CASZ1: variants seen among roughly 807,000 people sequenced by gnomAD.
CASZ1 encodes zinc finger protein castor homolog 1.
A neutral mutation model predicts 135.2 loss-of-function variants in CASZ1; 28 were observed. The observed-to-expected ratio is 0.21, with a 90% confidence interval of 0.15 to 0.28. CASZ1 has a LOEUF of 0.28. CASZ1 is among the 10% of genes least tolerant of loss of function. The pLI is 1.00. For synonymous variants in CASZ1, 1,068 were observed against 1,073.4 expected (o/e 0.99, Z 0.10); for missense variants, 2,161 against 2,453.3 (o/e 0.88, Z 2.52).
intron 2 of CASZ1, among the ~76,000 whole-genome samples, chr1:10,748,533 G>A (rs1640090808): frequency 6.6e-6 from 1 of 152,190 alleles, no homozygotes; most frequent in Admixed American, 6.5e-5. Context: ...AGCTTGCAGA[G>A]TGACGGCCAT....
chr1:10,744,360 C>T (rs1298169279), intron 2 of CASZ1, among the ~76,000 whole-genome samples: 2 of 151,248 alleles, frequency 1.3e-5, no homozygotes, highest in Non-Finnish European at 2.9e-5. Context: ...CACGAGCAGG[C>T]ATGTCCTGGG....
chr1:10,736,407 G>A (rs1261009356), intron 2 of CASZ1, among the ~76,000 whole-genome samples: 1 of 152,204 alleles, frequency 6.6e-6, no homozygotes, highest in Admixed American at 6.5e-5. Flanking sequence ...CGAACCCGGG[G>A]AGTCCTCAGG....
At chr1:10,743,865 GGA>G (rs987639632) in intron 2 of CASZ1, among the ~76,000 whole-genome samples, 11 of 146,748 alleles carry the variant, frequency 7.5e-5, no homozygotes, top group East Asian at 2.1e-4. Flanking sequence ...AGGGAGGGAG[GGA>G]GAGAGAGAGA....
chr1:10,720,578 CTG>C lies in CASZ1; in HGVS notation c.-76-15036_-76-15035del, dbSNP rs1639479160. Among the ~76,000 whole-genome samples the C allele has an allele frequency of 6.6e-6, 1 of 152,222 alleles. No homozygotes were observed. Among genetic ancestry groups the C allele is most frequent in the Non-Finnish European group, 1.5e-5 (1 of 68,030 alleles). ...GGCAGTCCCATTTGCCTATCAAAAA[CTG>C]TACATTCGCTCGGCTTTCCACGGGA... On this transcript the variant is annotated intron_variant, in intron 2 of 20. Transcript: ENST00000377022. The surrounding 1 kb of genome is among the most constrained non-coding windows in gnomAD (Gnocchi z 5.7).
rs932572142 is a variant in CASZ1, at chr1:10,666,931, C to T, written c.17-1360G>A. Among the ~76,000 whole-genome samples the T allele has an allele frequency of 3.3e-5, 5 of 152,224 alleles. No homozygotes were observed. Among genetic ancestry groups the T allele is most frequent in the Admixed American group, 6.5e-5 (1 of 15,286 alleles). The stretch of plus-strand genomic sequence containing the variant: ...CGCAGTGGCCACAGCAGCAGGGGCT[C>T]GGCTCACACTCACTGTGTACAAAAC... On this transcript the variant is annotated intron_variant, in intron 4 of 20. Coordinates refer to ENST00000377022, the MANE Select transcript of CASZ1 (RefSeq NM_001079843.3). The surrounding 1 kb of genome is among the most constrained non-coding windows in gnomAD (Gnocchi z 5.2).
chr1:10,649,625 T>A, intron 13 of CASZ1, 188 bp from the exon 14 acceptor site: 1 of 640,052 alleles, frequency 1.6e-6, no homozygotes, highest in Non-Finnish European at 2.6e-6. Flanking sequence ...CCTGCTGTGC[T>A]GCCCCGACCC....
At position 10,639,484 on chromosome 1, in the gene CASZ1, G is replaced by A. The variant is rs756224187; in HGVS notation, c.4738C>T (p.His1580Tyr). ...HFHCTFPGCR[H>Y]TVVGMSQMDS... ...ATCTGCGACATGCCCACCACCGTGT[G>A]GCGGCAGCCCGGGAAGGTGCAGTGG... The change falls in exon 21 of 21, where the codon CAC (histidine) becomes TAC (tyrosine). Residue 1580 changes from histidine (H) to tyrosine (Y), a missense_variant. This residue lies in a region of CASZ1 where 240 missense variants were observed against 321.4 expected (regional missense o/e 0.75). Coordinates refer to ENST00000377022, the MANE Select transcript of CASZ1 (RefSeq NM_001079843.3). This position sits in a 1 kb window ranked among gnomAD's most constrained non-coding sequence, Gnocchi z 4.0. 3.7e-6 allele frequency: 6 copies of A among 1,610,474 alleles called. No individual in the cohort carries two copies. Among genetic ancestry groups the A allele is most frequent in the Non-Finnish European group, 5.1e-6 (6 of 1,179,118 alleles).
chr1:10,677,143 A>G (rs1027583579), intron 4 of CASZ1, among the ~76,000 whole-genome samples: 3 of 152,188 alleles, frequency 2.0e-5, no homozygotes, highest in African/African-American at 7.2e-5. Context: ...CGAGACAGAG[A>G]GAGCTCAGGA....
In CASZ1 at chr1:10,665,546, C is replaced by T. The variant is rs201197152; in HGVS notation, c.42G>A (p.Pro14=). The change falls in exon 5 of 21, where the codon CCG becomes CCA. Residue 14 remains proline, a synonymous_variant. Coordinates refer to ENST00000377022, the MANE Select transcript of CASZ1 (RefSeq NM_001079843.3). ...GTAEGTRCTD[P]PAGKPAMAPK... ...GCGCCATGGCGGGCTTGCCTGCAGG[C>T]GGGTCCGTGCACCGGGTGCCCTCAG... is the stretch of plus-strand genomic sequence containing the variant. 59 of 1,574,538 alleles carry T rather than the reference C, an allele frequency of 3.7e-5. No homozygotes were observed. The East Asian group carries it at 8.0e-4, about 21-fold the overall frequency.
Position 10,648,116 on chromosome 1 carries a change from C to T in CASZ1, c.3182G>A (p.Gly1061Glu). 1 of 1,539,092 alleles carries T rather than the reference C, an allele frequency of 6.5e-7. No homozygotes were observed. Among genetic ancestry groups the T allele is most frequent in the Non-Finnish European group, 8.7e-7 (1 of 1,143,954 alleles). The change falls in exon 16 of 21, where the codon GGA becomes GAA. Residue 1061 changes from glycine (G) to glutamate (E), a missense_variant. This residue lies in a region of CASZ1 where 349 missense variants were observed against 460.8 expected (regional missense o/e 0.76). Coordinates refer to ENST00000377022, the MANE Select transcript of CASZ1 (RefSeq NM_001079843.3). ...HANFHFRTEG[G>E]AAKGNTEAAF... ...AGCCTCTGTGTTTCCTTTTGCTGCT[C>T]CTCCCTCTGTCCGGAAGTGGAAGCT...
intron 2 of CASZ1, among the ~76,000 whole-genome samples, chr1:10,742,624 C>T (rs1639945283): frequency 6.6e-6 from 1 of 152,166 alleles, no homozygotes; most frequent in Non-Finnish European, 1.5e-5. Context: ...ATCCTCCAGT[C>T]AGGGTCAAGC....
Position 10,717,075 on chromosome 1 carries a change from G to C in CASZ1, c.-76-11531C>G, listed in dbSNP as rs912074600. Among the ~76,000 whole-genome samples the C allele has an allele frequency of 2.0e-5, 3 of 152,244 alleles. No individual in the cohort carries two copies. The highest frequency in any genetic ancestry group is 7.2e-5 in the African/African-American group (3 of 41,464). The stretch of plus-strand genomic sequence containing the variant: ...GAGACTCAGATGGGCTGGGCTGCTG[G>C]AGGGACAGGAGCAGGAGGGACAGAC... On this transcript the variant is annotated intron_variant, in intron 2 of 20. Transcript: ENST00000377022. This position sits in a 1 kb window ranked among gnomAD's most constrained non-coding sequence, Gnocchi z 4.6.
intron 1 of CASZ1, among the ~76,000 whole-genome samples, chr1:10,769,257 A>G (rs1246667542): frequency 6.6e-6 from 1 of 152,170 alleles, no homozygotes; most frequent in African/African-American, 2.4e-5. Flanking sequence ...CGGCGAGAAC[A>G]CTCCAGTGGC....
chr1:10,778,817 G>A lies in CASZ1; in HGVS notation c.-234+17747C>T, dbSNP rs540449024. ...CCCCAGTGGAAGTGCAAGCAAAGGC[G>A]GTTGGCAGTTGGGCGTGACTGCCCA... is the stretch of plus-strand genomic sequence containing the variant. On this transcript the variant is annotated intron_variant, in intron 1 of 20. Coordinates refer to ENST00000377022, the MANE Select transcript of CASZ1 (RefSeq NM_001079843.3). Among the ~76,000 whole-genome samples the A allele has an allele frequency of 1.8e-4, 28 of 152,228 alleles. No homozygotes were observed. In the South Asian group the frequency reaches 4.6e-3, roughly 25 times the overall value.
At chr1:10,672,024 C>A (rs915721561) in intron 4 of CASZ1, among the ~76,000 whole-genome samples, 2 of 152,192 alleles carry the variant, frequency 1.3e-5, no homozygotes, top group Non-Finnish European at 1.5e-5. Flanking sequence ...GGCATCTGCT[C>A]TAGGTCCCAG....
rs573176822 is a variant in CASZ1, at chr1:10,719,684, C to A, written c.-76-14140G>T. Among the ~76,000 whole-genome samples the A allele has an allele frequency of 6.6e-6, 1 of 152,318 alleles. No individual in the cohort carries two copies. The highest frequency in any genetic ancestry group is 6.5e-5 in the Admixed American group (1 of 15,310). ...GCCATGCCCTCAGGTACTGCCCAAT[C>A]CTGAAGCCCGTGGGTCCCAGAGCCT... is the stretch of plus-strand genomic sequence containing the variant. On this transcript the variant is annotated intron_variant, in intron 2 of 20. Coordinates refer to ENST00000377022, the MANE Select transcript of CASZ1 (RefSeq NM_001079843.3). This position sits in a 1 kb window ranked among gnomAD's most constrained non-coding sequence, Gnocchi z 4.0.
rs755771249 is a variant in CASZ1 at position 10,666,464 on chromosome 1, G to A, written c.17-893C>T. On this transcript the variant is annotated intron_variant, in intron 4 of 20. Coordinates refer to ENST00000377022, the MANE Select transcript of CASZ1 (RefSeq NM_001079843.3). This position sits in a 1 kb window ranked among gnomAD's most constrained non-coding sequence, Gnocchi z 5.2. ...TCCTAGGACCTTGCTCCCCAGCCTC[G>A]GCCAGCCTCTGCAGCCCCGGAAGGC... Among the ~76,000 whole-genome samples, 3 of 152,056 alleles carry A rather than the reference G, an allele frequency of 2.0e-5. No homozygotes were observed. The highest frequency in any genetic ancestry group is 2.9e-5 in the Non-Finnish European group (2 of 68,002).
intron 2 of CASZ1, among the ~76,000 whole-genome samples, chr1:10,742,792 C>T (rs12735339): frequency 0.38 from 57,556 of 151,776 alleles, 12,599 homozygotes; most frequent in East Asian, 0.94. Context: ...AAGACCAGCC[C>T]GGGCAACATG....
At position 10,637,258 on chromosome 1, in the gene CASZ1, A is replaced by T. The variant is rs1404214339; in HGVS notation, c.*1684T>A. ...TGTCTGGGCAGATGCTCACAGCAGC[A>T]CGTGGTGCCCACAGAGTTCAGGAGG... On this transcript the variant is annotated 3_prime_UTR_variant, in exon 21 of 21. Transcript: ENST00000377022. 6.6e-6 allele frequency: 1 copy of T among 152,320 alleles called. No individual in the cohort carries two copies. Among genetic ancestry groups the T allele is most frequent in the Non-Finnish European group, 1.5e-5 (1 of 68,020 alleles). 9.4% of individuals were successfully genotyped at this position (152,320 alleles called of 1,614,324 possible). A position where few individuals can be genotyped will look rare whatever the true frequency, so the allele number is the denominator to read the frequency against.
Sources: allele counts gnomAD v4.1 joint callset (sites outside exome capture counted in the v4.1 genomes callset), GRCh38; gene constraint gnomAD v4.1.1; regional missense constraint gnomAD v4.1.1; non-coding constraint Gnocchi (gnomAD v3.1); transcripts MANE v1.5; gene names NCBI Gene and HGNC (gene_info 2026-07-23, HGNC 2026-07-21).